The following TICRR variants were observed in gnomAD, a reference collection of about 807,000 sequenced individuals.
The protein encoded by TICRR is treslin.
A neutral mutation model predicts 178.1 loss-of-function variants in TICRR; 132 were observed. That is an observed-to-expected ratio of 0.74 (90% CI 0.64 to 0.86). The LOEUF is 0.86. Among genes scored for constraint, TICRR ranks in the 40% least tolerant of loss-of-function variants. The pLI, the probability that TICRR is intolerant of heterozygous loss-of-function variation, is 0.00. For synonymous variants in TICRR, 991 were observed against 900.7 expected (o/e 1.10, Z -1.79); for missense variants, 2,587 against 2,334.3 (o/e 1.11, Z -2.23).
Position 89,623,604 on chromosome 15 carries a change from T to C in TICRR, c.3313-19T>C, listed in dbSNP as rs770981918. 4.4e-6 allele frequency: 7 copies of C among 1,586,600 alleles called. No homozygotes were observed. In the South Asian group the frequency reaches 6.9e-5, roughly 16 times the overall value. Reference sequence around the variant, plus strand: ...GAGTTATAATATTCAAGGACTGAAATAAGCATTTCTCTTTTCAGACTCCCA... The same window carrying C: ...GAGTTATAATATTCAAGGACTGAAACAAGCATTTCTCTTTTCAGACTCCCA... On this transcript the variant is annotated intron_variant, in intron 19 of 21. Coordinates refer to ENST00000268138, the MANE Select transcript of TICRR (RefSeq NM_152259.4).
At chr15:89,582,439 A>T (rs1962744384) in intron 1 of TICRR, 1 of 438,776 alleles carries the variant, frequency 2.3e-6, no homozygotes, top group Non-Finnish European at 4.0e-6. Context: ...CTTGACAAAA[A>T]ATATAAATGA....
At chr15:89,603,983 ATTG>A (rs978251033) in intron 13 of TICRR, among the ~76,000 whole-genome samples, 8 of 152,106 alleles carry the variant, frequency 5.3e-5, no homozygotes, top group East Asian at 3.9e-4. Flanking sequence ...ATGGGGTACT[ATTG>A]TTGTTTTTTT....
At chr15:89,626,874 T>C in intron 21 of TICRR, 82 bp from the exon 22 acceptor site, 1 of 1,480,308 alleles carries the variant, frequency 6.8e-7, no homozygotes, top group South Asian at 1.2e-5. Context: ...TTTTTGTGTG[T>C]AACCCTCTGC....
intron 13 of TICRR, 117 bp from the exon 14 acceptor site, chr15:89,606,651 C>A (rs1453453760): frequency 2.5e-6 from 2 of 791,946 alleles, no homozygotes; most frequent in Admixed American, 2.3e-5. Flanking sequence ...TTTATTATTT[C>A]TATTATGGAT....
At chr15:89,614,633 G>C (rs879367999) in intron 15 of TICRR, among the ~76,000 whole-genome samples, 2 of 152,140 alleles carry the variant, frequency 1.3e-5, no homozygotes, top group Admixed American at 1.3e-4. Flanking sequence ...ACCCAGCATG[G>C]ATATTTTAAA....
At chr15:89,598,820 A>T (rs1170957462) in intron 7 of TICRR, among the ~76,000 whole-genome samples, 1 of 152,020 alleles carries the variant, frequency 6.6e-6, no homozygotes, top group Non-Finnish European at 1.5e-5. Flanking sequence ...AGCCTGGGCA[A>T]CATGGTGAAA....
chr15:89,604,940 G>A (rs1006435464), intron 13 of TICRR, among the ~76,000 whole-genome samples: 1 of 151,914 alleles, frequency 6.6e-6, no homozygotes, highest in African/African-American at 2.4e-5. Context: ...TAGTTAACTC[G>A]GGAAGCAGTG....
chr15:89,606,776 T>A lies in TICRR; in HGVS notation c.2673T>A (p.Ser891=). The A allele has an allele frequency of 6.2e-7, 1 of 1,613,866 alleles. No homozygotes were observed. The highest frequency in any genetic ancestry group is 8.5e-7 in the Non-Finnish European group (1 of 1,179,824). Reference sequence around the variant, plus strand: ...ATTTTCTCATGTTTCAGGAGAACTCTCACCCTGCTCCTCAGCAGCCTTCCC... The same window carrying A: ...ATTTTCTCATGTTTCAGGAGAACTCACACCCTGCTCCTCAGCAGCCTTCCC... ...VSKRATKKEN[S]HPAPQQPSQP... is the part of the protein sequence containing the mutation. The change falls in exon 14 of 22, where the codon TCT becomes TCA. Residue 891 remains serine (S), a synonymous_variant. Transcript: ENST00000268138.
At chr15:89,592,786 CTAT>C (rs1437836111) in intron 5 of TICRR, among the ~76,000 whole-genome samples, 1 of 152,194 alleles carries the variant, frequency 6.6e-6, no homozygotes, top group Non-Finnish European at 1.5e-5. Flanking sequence ...GAAATTCAAA[CTAT>C]TATTAAGAGG....
rs1567037410 is a variant in TICRR, at chr15:89,575,826, GGAGGCCAGGCTC to G, written c.245_256del (p.Ala82_Glu85del). 1 of 1,598,400 alleles carries G rather than the reference GGAGGCCAGGCTC, an allele frequency of 6.3e-7. No homozygotes were observed. ...CGTGGGAGGACTTTGAGGAGGAGCTGGAGGCCAGGCTCGAGGATCGCGCCCACCTGCCCGGCC... is the reference window on the plus strand; with the variant it reads ...CGTGGGAGGACTTTGAGGAGGAGCTGGAGGATCGCGCCCACCTGCCCGGCC... On this transcript the variant is annotated inframe_deletion, in exon 1 of 22. Transcript: ENST00000268138.
At chr15:89,618,798 A>C (rs1052776898) in intron 17 of TICRR, among the ~76,000 whole-genome samples, 2 of 152,206 alleles carry the variant, frequency 1.3e-5, no homozygotes, top group African/African-American at 4.8e-5. Flanking sequence ...TGTCTATAAA[A>C]AATTTAAAAA....
In TICRR at chr15:89,595,588, C is replaced by G. The variant is rs749019334; in HGVS notation, c.1877C>G (p.Thr626Arg). The change falls in exon 7 of 22, where the codon ACA becomes AGA. Residue 626 changes from threonine to arginine, a missense_variant. Physicochemically the swap from Thr to Arg is moderately conservative, Grantham distance 71 (BLOSUM62 -1). Coordinates refer to ENST00000268138, the MANE Select transcript of TICRR (RefSeq NM_152259.4). ...TVDKLEDRGR[T>R]LRSSKPKDFK... ...GATAAATTGGAAGACAGAGGAAGAACACTAAGAAGTTCTAAACCTAAAGGT... is the reference window on the plus strand; with the variant it reads ...GATAAATTGGAAGACAGAGGAAGAAGACTAAGAAGTTCTAAACCTAAAGGT... 10 of 1,613,826 alleles carry G rather than the reference C, an allele frequency of 6.2e-6. No homozygotes were observed. The highest frequency in any genetic ancestry group is 7.6e-6 in the Non-Finnish European group (9 of 1,179,876).
At position 89,575,511 on chromosome 15, in the gene TICRR, T is replaced by A. The variant is rs140742750; in HGVS notation, c.-76T>A. 2,137 of 1,349,422 alleles carry A rather than the reference T, an allele frequency of 1.6e-3. 35 individuals carry two copies. In the African/African-American group the frequency reaches 0.028, roughly 18 times the overall value. 83.6% of individuals were successfully genotyped at this position (1,349,422 alleles called of 1,614,324 possible). On this transcript the variant is annotated 5_prime_UTR_variant, in exon 1 of 22. Transcript: ENST00000268138. ...CCCAAAGGAAAGCAGTGAGTGGTGC[T>A]GTTTCCCTGAAGGAAGGGACTAAGG...
intron 9 of TICRR, among the ~76,000 whole-genome samples, chr15:89,600,949 A>T (rs1161874851): frequency 6.7e-6 from 1 of 149,794 alleles, no homozygotes; most frequent in East Asian, 2.0e-4. Context: ...GGGATGCTGA[A>T]GCTGGAGGAT....
At chr15:89,583,601 G>A (rs1053561772) in intron 2 of TICRR, among the ~76,000 whole-genome samples, 6 of 152,112 alleles carry the variant, frequency 3.9e-5, no homozygotes, top group African/African-American at 1.4e-4. Context: ...CTCCTCATAA[G>A]ATATGATGCA....
At chr15:89,576,890 T>C (rs1029108416) in intron 1 of TICRR, among the ~76,000 whole-genome samples, 1 of 147,016 alleles carries the variant, frequency 6.8e-6, no homozygotes, top group African/African-American at 2.5e-5. Flanking sequence ...TACACATTTA[T>C]TTATATACAT....
chr15:89,623,891 G>T lies in TICRR; in HGVS notation c.3581G>T (p.Arg1194Ile), dbSNP rs762234007. ...ACCTCTCTTGAAACGAAGACACCAAGAACTCCTAAGAGGCAAGGTACTCAG... is the reference window on the plus strand; with the variant it reads ...ACCTCTCTTGAAACGAAGACACCAATAACTCCTAAGAGGCAAGGTACTCAG... The part of the protein sequence containing the change: ...EGTSLETKTP[R>I]TPKRQGTQPP... Residue 1194 changes from arginine (R) to isoleucine (I), a missense_variant, in exon 20 of 22, where the codon AGA becomes ATA. Transcript: ENST00000268138. The T allele has an allele frequency of 6.2e-7, 1 of 1,613,910 alleles. No homozygotes were observed. Among genetic ancestry groups the T allele is most frequent in the Non-Finnish European group, 8.5e-7 (1 of 1,180,008 alleles).
chr15:89,598,447 C>T (rs1372704707), intron 7 of TICRR, among the ~76,000 whole-genome samples: 5 of 152,122 alleles, frequency 3.3e-5, no homozygotes, highest in Non-Finnish European at 5.9e-5. Context: ...ACTGCAACCT[C>T]CGCCTCCCAG....
chr15:89,619,610 A>T (rs1263896679), intron 17 of TICRR, 98 bp from the exon 18 acceptor site: 1 of 1,267,986 alleles, frequency 7.9e-7, no homozygotes, highest in East Asian at 2.3e-5. Flanking sequence ...TCCATCTTAT[A>T]TGTGGTACTA....
Sources: allele counts gnomAD v4.1 joint callset (sites outside exome capture counted in the v4.1 genomes callset), GRCh38; gene constraint gnomAD v4.1.1; transcripts MANE v1.5; gene names NCBI Gene and HGNC (gene_info 2026-07-23, HGNC 2026-07-21).